RAB3C: variants seen among roughly 807,000 people sequenced by gnomAD.
RAB3C encodes the protein ras-related protein Rab-3C.
A neutral mutation model predicts 26.4 loss-of-function variants in RAB3C; 17 were observed. That is an observed-to-expected ratio of 0.64 (90% confidence interval 0.44 to 0.97). RAB3C has a LOEUF of 0.97. Ranked by LOEUF, RAB3C falls within the 50% of genes least tolerant of loss-of-function variation. The pLI is 0.00. For synonymous variants in RAB3C, 91 were observed against 95.9 expected (o/e 0.95, Z 0.30); for missense variants, 242 against 281.9 (o/e 0.86, Z 1.01).
At chr5:58,841,919 A>T (rs563858515) in intron 4 of RAB3C, among the ~76,000 whole-genome samples, 1 of 151,700 alleles carries the variant, frequency 6.6e-6, no homozygotes, top group East Asian at 2.0e-4. Flanking sequence ...GTCCTTTTCT[A>T]CTCATGTATT....
chr5:58,694,416 T>TA (rs1303511376), intron 2 of RAB3C, among the ~76,000 whole-genome samples: 1 of 152,136 alleles, frequency 6.6e-6, no homozygotes, highest in Non-Finnish European at 1.5e-5. Flanking sequence ...GTCTTTATAG[T>TA]AGCATGATTT....
At chr5:58,826,836 A>G (rs1038986114) in intron 4 of RAB3C, among the ~76,000 whole-genome samples, 3 of 152,240 alleles carry the variant, frequency 2.0e-5, no homozygotes, top group African/African-American at 7.2e-5. Context: ...GTTGTGCAAC[A>G]TGAGTCAGAA....
chr5:58,822,242 C>T (rs1743359244), intron 3 of RAB3C, among the ~76,000 whole-genome samples: 1 of 152,182 alleles, frequency 6.6e-6, no homozygotes, highest in Non-Finnish European at 1.5e-5. Context: ...AAAGCACAGG[C>T]TTGAGAGCCA....
At chr5:58,604,037 T>A (rs1032708639) in intron 1 of RAB3C, among the ~76,000 whole-genome samples, 17 of 152,242 alleles carry the variant, frequency 1.1e-4, no homozygotes, top group Non-Finnish European at 2.2e-4. Context: ...TTCCTGTGGA[T>A]GTGGCTTCCT....
intron 2 of RAB3C, among the ~76,000 whole-genome samples, chr5:58,636,914 TA>T (rs1328073481): frequency 2.0e-5 from 3 of 152,226 alleles, no homozygotes; most frequent in East Asian, 1.9e-4. Flanking sequence ...ATACATCACA[TA>T]AAAAATTTTG....
At chr5:58,794,721 T>C (rs1265782880) in intron 3 of RAB3C, among the ~76,000 whole-genome samples, 3 of 152,166 alleles carry the variant, frequency 2.0e-5, no homozygotes, top group Non-Finnish European at 4.4e-5. Context: ...ATGAAAGTGG[T>C]TTTCCCCCCA....
intron 2 of RAB3C, among the ~76,000 whole-genome samples, chr5:58,663,151 A>T (rs1324016190): frequency 1.3e-5 from 2 of 150,282 alleles, no homozygotes; most frequent in South Asian, 2.1e-4. Flanking sequence ...TATACAAAGT[A>T]TGCAAAGTGA....
chr5:58,647,467 G>A (rs2111779450), intron 2 of RAB3C, among the ~76,000 whole-genome samples: 1 of 123,514 alleles, frequency 8.1e-6, no homozygotes, highest in Admixed American at 8.9e-5. Flanking sequence ...CCACGCCCAT[G>A]ATCCAATCAC....
intron 1 of RAB3C, among the ~76,000 whole-genome samples, chr5:58,595,082 G>A (rs1435396723): frequency 2.0e-5 from 3 of 152,050 alleles, no homozygotes; most frequent in African/African-American, 2.4e-5. Flanking sequence ...AGTAAAGCCC[G>A]ATTGTGTTTA....
At chr5:58,829,319 T>G (rs1743561444) in intron 4 of RAB3C, among the ~76,000 whole-genome samples, 2 of 152,166 alleles carry the variant, frequency 1.3e-5, no homozygotes, top group African/African-American at 2.4e-5. Flanking sequence ...AATCTCATAA[T>G]TTAAGTTTTA....
intron 2 of RAB3C, among the ~76,000 whole-genome samples, chr5:58,641,761 A>C (rs952328617): frequency 2.0e-5 from 3 of 152,218 alleles, no homozygotes; most frequent in African/African-American, 7.2e-5. Flanking sequence ...ATGACTGGGG[A>C]GAAGTCTGTC....
At chr5:58,720,759 T>C (rs1483104117) in intron 2 of RAB3C, among the ~76,000 whole-genome samples, 1 of 151,908 alleles carries the variant, frequency 6.6e-6, no homozygotes, top group African/African-American at 2.4e-5. Context: ...GTCTGTCCTT[T>C]GATCTATTTT....
At chr5:58,602,283 G>T (rs1402182885) in intron 1 of RAB3C, among the ~76,000 whole-genome samples, 1 of 152,054 alleles carries the variant, frequency 6.6e-6, no homozygotes. Flanking sequence ...GGTCTATCTT[G>T]GAGAAAGTTC....
intron 1 of RAB3C, among the ~76,000 whole-genome samples, chr5:58,596,311 G>C (rs1746247266): frequency 6.6e-6 from 1 of 151,432 alleles, no homozygotes; most frequent in Non-Finnish European, 1.5e-5. Context: ...GCTTTCTCAA[G>C]TCTATTCACT....
At chr5:58,813,664 G>T in intron 3 of RAB3C, among the ~76,000 whole-genome samples, 1 of 143,572 alleles carries the variant, frequency 7.0e-6, no homozygotes, top group Non-Finnish European at 1.5e-5. Context: ...ACATATGGTA[G>T]AACCACAGCT....
intron 2 of RAB3C, among the ~76,000 whole-genome samples, chr5:58,712,434 A>G (rs1259168275): frequency 1.3e-5 from 2 of 152,174 alleles, no homozygotes; most frequent in African/African-American, 2.4e-5. Flanking sequence ...CCAAACATCA[A>G]TTTCACCTAG....
chr5:58,593,334 T>G (rs1353531270), intron 1 of RAB3C, among the ~76,000 whole-genome samples: 3 of 152,160 alleles, frequency 2.0e-5, no homozygotes, highest in African/African-American at 4.8e-5. Context: ...TGAAAGAGGT[T>G]AATAAGATTA....
chr5:58,745,337 G>T (rs938180223), intron 3 of RAB3C, among the ~76,000 whole-genome samples: 15 of 136,270 alleles, frequency 1.1e-4, no homozygotes, highest in African/African-American at 4.1e-4. Flanking sequence ...GGCAGAGCTT[G>T]CATTGAGCCG....
chr5:58,596,770 T>C (rs1233860742), intron 1 of RAB3C, among the ~76,000 whole-genome samples: 1 of 104,068 alleles, frequency 9.6e-6, no homozygotes, highest in Non-Finnish European at 1.7e-5. Context: ...AAATATATAA[T>C]ATATAATACA....
Sources: allele counts gnomAD v4.1 joint callset (sites outside exome capture counted in the v4.1 genomes callset), GRCh38; gene constraint gnomAD v4.1.1; transcripts MANE v1.5; gene names NCBI Gene and HGNC (gene_info 2026-07-23, HGNC 2026-07-21).